TLK1: variants seen among roughly 807,000 people sequenced by gnomAD.
TLK1 encodes serine/threonine-protein kinase tousled-like 1.
In TLK1, 24 loss-of-function variants were observed where a neutral mutation model predicts 105.3. That is an observed-to-expected ratio of 0.23 (90% CI 0.17 to 0.32). The LOEUF (loss-of-function observed/expected upper bound fraction) is 0.32, where lower values mean the gene tolerates loss of function less well. Among genes scored for constraint, TLK1 ranks in the 10% least tolerant of loss-of-function variants. The pLI, the probability that TLK1 is intolerant of heterozygous loss-of-function variation, is 1.00. For missense variants in TLK1, 558 were observed against 910.5 expected, an observed-to-expected ratio of 0.61 and a Z score of 4.98; for synonymous variants, 321 against 310.4, an observed-to-expected ratio of 1.03 and a Z score of -0.36.
At chr2:171,169,830 A>G (rs1692693204) in intron 1 of TLK1, among the ~76,000 whole-genome samples, 1 of 152,234 alleles carries the variant, frequency 6.6e-6, no homozygotes, top group South Asian at 2.1e-4. Context: ...TCTTTTCCGC[A>G]GATAGTTAAA....
chr2:171,196,037 C>CAAAAAAAAAAA (rs71013021), intron 1 of TLK1, among the ~76,000 whole-genome samples: 1 of 111,960 alleles, frequency 8.9e-6, no homozygotes, highest in Non-Finnish European at 1.7e-5. Context: ...GACTCTGTAT[C>CAAAAAAAAAAA]AAAAAAAAAA....
intron 3 of TLK1, among the ~76,000 whole-genome samples, chr2:171,072,722 G>A (rs1203408916): frequency 1.3e-5 from 2 of 151,944 alleles, no homozygotes; most frequent in African/African-American, 2.4e-5. Flanking sequence ...GAGCTGAGAT[G>A]ACATCATTAC....
intron 11 of TLK1, among the ~76,000 whole-genome samples, chr2:171,036,403 G>A (rs889448448): frequency 6.6e-6 from 1 of 152,094 alleles, no homozygotes; most frequent in Non-Finnish European, 1.5e-5. Context: ...CCCAAAAAAA[G>A]CATAATTTCT....
chr2:170,994,545 A>C (rs1045433729), intron 20 of TLK1, among the ~76,000 whole-genome samples: 4 of 151,888 alleles, frequency 2.6e-5, no homozygotes, highest in Admixed American at 2.0e-4. Flanking sequence ...TTACAAAAAA[A>C]AAAAAAACCT....
intron 2 of TLK1, among the ~76,000 whole-genome samples, chr2:171,103,146 T>G (rs1689763280): frequency 6.6e-6 from 1 of 151,936 alleles, no homozygotes; most frequent in Non-Finnish European, 1.5e-5. Context: ...AAAGGCCTCC[T>G]GATTTAGAGG....
intron 12 of TLK1, among the ~76,000 whole-genome samples, chr2:171,015,415 A>C (rs1289802052): frequency 2.3e-5 from 3 of 132,632 alleles, no homozygotes; most frequent in Non-Finnish European, 3.2e-5. Flanking sequence ...TTGGAGTACA[A>C]ACACACACAC....
intron 18 of TLK1, among the ~76,000 whole-genome samples, chr2:171,004,370 A>G (rs1425822583): frequency 6.6e-6 from 1 of 152,144 alleles, no homozygotes; most frequent in Non-Finnish European, 1.5e-5. Flanking sequence ...AAAAAGCCAC[A>G]TAAAAGTGGA....
intron 1 of TLK1, among the ~76,000 whole-genome samples, chr2:171,203,505 T>C (rs1047031202): frequency 1.3e-5 from 2 of 152,230 alleles, no homozygotes; most frequent in African/African-American, 4.8e-5. Flanking sequence ...ATCCGCATTG[T>C]AGAATATGTC....
At chr2:171,221,045 C>T (rs1693801238) in intron 1 of TLK1, among the ~76,000 whole-genome samples, 1 of 152,052 alleles carries the variant, frequency 6.6e-6, no homozygotes, top group South Asian at 2.1e-4. Flanking sequence ...AAACAAATTT[C>T]CACAGAGAAA....
At chr2:171,193,384 T>C (rs1164239317) in intron 1 of TLK1, among the ~76,000 whole-genome samples, 2 of 151,514 alleles carry the variant, frequency 1.3e-5, no homozygotes, top group Non-Finnish European at 2.9e-5. Flanking sequence ...TGTTTTCTGT[T>C]ATCACTTAGT....
chr2:171,070,302 GT>G (rs971013630), intron 3 of TLK1, among the ~76,000 whole-genome samples: 24 of 146,956 alleles, frequency 1.6e-4, no homozygotes, highest in African/African-American at 5.2e-4. Flanking sequence ...TCCACTTATA[GT>G]TTTTTTTTAA....
chr2:171,201,058 A>G (rs185012431), intron 1 of TLK1, among the ~76,000 whole-genome samples: 4 of 151,824 alleles, frequency 2.6e-5, no homozygotes, highest in African/African-American at 9.7e-5. Flanking sequence ...AGTTTTTTGT[A>G]TTTTTAGTAG....
intron 2 of TLK1, among the ~76,000 whole-genome samples, chr2:171,090,027 G>A (rs1232755091): frequency 6.6e-6 from 1 of 152,110 alleles, no homozygotes; most frequent in African/African-American, 2.4e-5. Context: ...TTGCACTGAA[G>A]CTACAAATCG....
At chr2:171,118,764 T>A (rs956724099) in intron 1 of TLK1, among the ~76,000 whole-genome samples, 1 of 152,194 alleles carries the variant, frequency 6.6e-6, no homozygotes, top group African/African-American at 2.4e-5. Flanking sequence ...CCAGAATGAC[T>A]TGGGGAACAT....
chr2:171,186,095 T>A (rs1693019864), intron 1 of TLK1, among the ~76,000 whole-genome samples: 1 of 152,200 alleles, frequency 6.6e-6, no homozygotes, highest in Admixed American at 6.5e-5. Flanking sequence ...GAAGAAACTT[T>A]CCTCCGTTGA....
rs3084410 is a variant in TLK1, at chr2:171,129,830, A to AATAACATAACATAACATAACATAAC, written c.140-11998_140-11974dup. ...AGCCTGGGATATAGATAGGTTACCA[A>AATAACATAACATAACATAACATAAC]ATAACATAACATAACATAACATAAC... On this transcript the variant is annotated intron_variant, in intron 1 of 20. Coordinates refer to ENST00000431350, the MANE Select transcript of TLK1 (RefSeq NM_012290.5). Among the ~76,000 whole-genome samples, 129 of 142,684 alleles carry AATAACATAACATAACATAACATAAC rather than the reference A, an allele frequency of 9.0e-4. 2 individuals carry two copies. The highest frequency in any genetic ancestry group is 1.4e-3 in the South Asian group (6 of 4,254). 93.6% of individuals were successfully genotyped at this position (142,684 alleles called of 152,430 possible).
chr2:171,175,586 A>G (rs1176965010), intron 1 of TLK1, among the ~76,000 whole-genome samples: 3 of 152,232 alleles, frequency 2.0e-5, no homozygotes, highest in Non-Finnish European at 4.4e-5. Context: ...GTACATACAC[A>G]ATGAAGAAAA....
intron 2 of TLK1, among the ~76,000 whole-genome samples, chr2:171,114,037 C>T (rs960792454): frequency 8.5e-5 from 13 of 152,118 alleles, no homozygotes; most frequent in Non-Finnish European, 1.3e-4. Context: ...CTTGCAATTA[C>T]CAGATGTCAA....
chr2:171,023,166 A>G (rs772221169), intron 12 of TLK1: 8 of 470,958 alleles, frequency 1.7e-5, no homozygotes, highest in African/African-American at 4.0e-5. Flanking sequence ...TGAATGCCAC[A>G]TCGCAAGGAG....
Sources: gnomAD v4.1 joint callset for allele counts (sites outside exome capture counted in the v4.1 genomes callset) on GRCh38, gnomAD v4.1.1 for gene constraint, MANE v1.5 for transcripts, NCBI Gene and HGNC (gene_info 2026-07-23, HGNC 2026-07-21) for gene names.